PRELID2: variants seen among roughly 807,000 people sequenced by gnomAD.
The protein encoded by PRELID2 is PRELI domain-containing protein 2.
In PRELID2, 25 loss-of-function variants were observed where a neutral mutation model predicts 28.4. The observed-to-expected ratio is 0.88, with a 90% confidence interval of 0.64 to 1.23. The LOEUF is 1.23. Ranked by LOEUF, PRELID2 falls within the 50% of genes most tolerant of loss-of-function variation. The pLI, the probability that PRELID2 is intolerant of heterozygous loss-of-function variation, is 0.00. For missense variants in PRELID2, 201 were observed against 214.4 expected (o/e 0.94, Z 0.39); for synonymous variants, 76 against 71.6 (o/e 1.06, Z -0.31).
At chr5:145,477,275 C>A (rs1370291881) in intron 1 of PRELID2, among the ~76,000 whole-genome samples, 1 of 152,138 alleles carries the variant, frequency 6.6e-6, no homozygotes. Context: ...TCTGCTTCTC[C>A]CATCTCACTG....
the PRELID2 span, among the ~76,000 whole-genome samples, chr5:145,443,555 G>A: frequency 6.6e-6 from 1 of 152,084 alleles, no homozygotes; most frequent in African/African-American, 2.4e-5. Flanking sequence ...TTCTAAAAAT[G>A]AAGCCTAGGG....
chr5:145,415,285 T>A, the PRELID2 span, among the ~76,000 whole-genome samples: 2 of 152,118 alleles, frequency 1.3e-5, no homozygotes, highest in Admixed American at 6.6e-5. Flanking sequence ...TTTTTCTTTT[T>A]TTTATTATTA....
At chr5:145,286,708 T>G in the PRELID2 span, among the ~76,000 whole-genome samples, 32 of 97,104 alleles carry the variant, frequency 3.3e-4, no homozygotes, top group African/African-American at 1.3e-3. Flanking sequence ...TTTTGTTTTT[T>G]TTTGTTTGTT....
At chr5:145,767,415 A>G (rs1232858360) in intron 5 of PRELID2, among the ~76,000 whole-genome samples, 1 of 152,018 alleles carries the variant, frequency 6.6e-6, no homozygotes, top group Admixed American at 6.6e-5. Flanking sequence ...CGTTCACGCC[A>G]CCTGATTCTT....
the PRELID2 span, among the ~76,000 whole-genome samples, chr5:145,384,932 T>C: frequency 6.6e-6 from 1 of 152,110 alleles, no homozygotes; most frequent in Non-Finnish European, 1.5e-5. Flanking sequence ...CCTCTAATAC[T>C]GGTAATGACA....
At chr5:145,424,417 G>T in the PRELID2 span, among the ~76,000 whole-genome samples, 6 of 152,364 alleles carry the variant, frequency 3.9e-5, no homozygotes, top group Non-Finnish European at 8.8e-5. Context: ...CTCCCAGCCA[G>T]GTGCGGGATA....
chr5:145,826,321 C>T (rs1351630878), intron 1 of PRELID2: 2 of 315,460 alleles, frequency 6.3e-6, no homozygotes, highest in Non-Finnish European at 9.2e-6. Flanking sequence ...CTCATGAAAG[C>T]AATGTGATCT....
the PRELID2 span, among the ~76,000 whole-genome samples, chr5:145,295,483 C>T: frequency 6.6e-6 from 1 of 151,984 alleles, no homozygotes. Context: ...CTGCAATAAA[C>T]AAAAAACTAA....
intron 1 of PRELID2, among the ~76,000 whole-genome samples, chr5:145,527,633 T>A (rs1307030073): frequency 6.6e-6 from 1 of 152,172 alleles, no homozygotes; most frequent in African/African-American, 2.4e-5. Context: ...TGCTTTGCCC[T>A]CAAGGGTAAT....
chr5:145,774,323 T>G (rs1264983653), intron 5 of PRELID2, among the ~76,000 whole-genome samples: 1 of 152,172 alleles, frequency 6.6e-6, no homozygotes, highest in African/African-American at 2.4e-5. Context: ...TCCACCTCAT[T>G]CCACAACGAG....
chr5:145,579,121 T>C (rs375022244), intron 1 of PRELID2, among the ~76,000 whole-genome samples: 45 of 152,188 alleles, frequency 3.0e-4, no homozygotes, highest in African/African-American at 1.1e-3. Context: ...TGTTTAGTCT[T>C]ACAGGGGTCT....
the PRELID2 span, among the ~76,000 whole-genome samples, chr5:145,384,629 A>G: frequency 1.1e-3 from 161 of 152,296 alleles, 1 homozygote; most frequent in African/African-American, 3.7e-3. Context: ...GTAATTTGTA[A>G]GAAAAGAGCC....
At chr5:145,595,161 GACACACACACAC>G (rs3038287) in intron 1 of PRELID2, among the ~76,000 whole-genome samples, 20 of 131,186 alleles carry the variant, frequency 1.5e-4, no homozygotes, top group Admixed American at 2.4e-4. Context: ...AGTCATAATA[GACACACACACAC>G]ACACACACAC....
chr5:145,286,296 T>G, the PRELID2 span, among the ~76,000 whole-genome samples: 2 of 152,216 alleles, frequency 1.3e-5, no homozygotes, highest in Non-Finnish European at 1.5e-5. Context: ...GAGCCCACAC[T>G]ACTTACCACT....
intron 1 of PRELID2, among the ~76,000 whole-genome samples, chr5:145,546,795 T>C (rs1171321600): frequency 6.6e-6 from 1 of 152,126 alleles, no homozygotes; most frequent in Non-Finnish European, 1.5e-5. Context: ...AAACAAAAAA[T>C]GCCTATTCTA....
intron 6 of PRELID2, among the ~76,000 whole-genome samples, chr5:145,762,244 T>C (rs1356061533): frequency 6.6e-6 from 1 of 151,958 alleles, no homozygotes; most frequent in East Asian, 1.9e-4. Context: ...GAGAGGAGAG[T>C]AAGTTGCTTT....
At chr5:145,645,012 CT>C (rs1269743669) in intron 1 of PRELID2, among the ~76,000 whole-genome samples, 5 of 152,252 alleles carry the variant, frequency 3.3e-5, no homozygotes, top group African/African-American at 7.2e-5. Context: ...GTGAAGAGTT[CT>C]GTAGATGTCT....
the PRELID2 span, among the ~76,000 whole-genome samples, chr5:145,448,298 C>T: frequency 8.4e-3 from 1,273 of 151,806 alleles, 9 homozygotes; most frequent in Middle Eastern, 0.031. Context: ...TCATGTCCTT[C>T]GCCCACTTGT....
chr5:145,739,861 C>T (rs1424452699), intron 1 of PRELID2, among the ~76,000 whole-genome samples: 7 of 151,052 alleles, frequency 4.6e-5, no homozygotes, highest in Admixed American at 1.3e-4. Context: ...TACTCAAAAC[C>T]ATTATGTAAA....
Sources: allele counts gnomAD v4.1 joint callset (sites outside exome capture counted in the v4.1 genomes callset), GRCh38; gene constraint gnomAD v4.1.1; transcripts MANE v1.5; gene names NCBI Gene and HGNC (gene_info 2026-07-23, HGNC 2026-07-21).